Variants in ARHGEF4 observed in about 807,000 individuals in gnomAD.
The protein encoded by ARHGEF4 is Rho guanine nucleotide exchange factor 4.
Under a neutral mutation model 162.0 loss-of-function variants are expected in ARHGEF4, and 119 were observed. The observed-to-expected ratio is 0.73, with a 90% confidence interval of 0.63 to 0.86. The LOEUF (loss-of-function observed/expected upper bound fraction) is 0.86, where lower values mean the gene tolerates loss of function less well. ARHGEF4 is among the 40% of genes least tolerant of loss of function. ARHGEF4 has a pLI of 0.00. For synonymous variants in ARHGEF4, 1,014 were observed against 979.9 expected, an observed-to-expected ratio of 1.03 and a Z score of -0.65; for missense variants, 2,488 against 2,456.0, an observed-to-expected ratio of 1.01 and a Z score of -0.28.
intron 1 of ARHGEF4, among the ~76,000 whole-genome samples, chr2:130,895,827 C>G (rs892502376): frequency 4.6e-5 from 7 of 151,960 alleles, no homozygotes; most frequent in Admixed American, 1.3e-4. Context: ...ACAGGAAGAG[C>G]CTTTAATTTG....
rs1472323324 is a variant in ARHGEF4 at position 130,860,675 on chromosome 2, A to G, written c.39+23683A>G. 2.5e-5 allele frequency among the ~76,000 whole-genome samples: 3 copies of G among 118,326 alleles called. 1 individual carries two copies. The highest frequency in any genetic ancestry group is 4.9e-4 in the East Asian group (2 of 4,080). The allele number at this position is 118,326 out of a possible 152,430, so 77.6% of individuals were successfully genotyped here. A position where few individuals can be genotyped will look rare whatever the true frequency, so the allele number is the denominator to read the frequency against. ...CGGTGAGCCGAGATCGCGTCACTGC[A>G]CTCCAGCCTGGGCGACAGAGCGAGA... On this transcript the variant is annotated intron_variant, in intron 1 of 13. Transcript: ENST00000409359.
chr2:130,859,468 G>A (rs957295869), intron 1 of ARHGEF4, among the ~76,000 whole-genome samples: 1 of 56,662 alleles, frequency 1.8e-5, no homozygotes, highest in African/African-American at 4.2e-5. Flanking sequence ...GTCCTTACAG[G>A]CCGAGTGTGG....
intron 1 of ARHGEF4, among the ~76,000 whole-genome samples, chr2:130,873,700 A>G (rs929298156): frequency 6.6e-6 from 1 of 152,044 alleles, no homozygotes. Flanking sequence ...GCTTCTTTTT[A>G]GAATACCAAG....
intron 4 of ARHGEF4, among the ~76,000 whole-genome samples, chr2:130,966,631 G>A (rs1685021824): frequency 6.6e-6 from 1 of 152,194 alleles, no homozygotes. Flanking sequence ...TCTTTGCTGG[G>A]TTTTCAGCCA....
chr2:130,989,099 C>T (rs1014395289), intron 4 of ARHGEF4, among the ~76,000 whole-genome samples: 2 of 151,888 alleles, frequency 1.3e-5, no homozygotes, highest in African/African-American at 4.8e-5. Flanking sequence ...GTAGCTGGGA[C>T]TACAGGCATG....
chr2:131,020,291 A>C (rs1245997396), intron 4 of ARHGEF4, among the ~76,000 whole-genome samples: 2 of 150,434 alleles, frequency 1.3e-5, no homozygotes, highest in African/African-American at 4.9e-5. Context: ...TGCACCCATT[A>C]ACTCTTCATT....
At chr2:130,852,481 G>A in intron 1 of ARHGEF4, among the ~76,000 whole-genome samples, 1 of 150,998 alleles carries the variant, frequency 6.6e-6, no homozygotes. Context: ...GCCTTGATGA[G>A]ACTGACTGTG....
chr2:130,995,950 C>T (rs1165757525), intron 4 of ARHGEF4, among the ~76,000 whole-genome samples: 2 of 148,374 alleles, frequency 1.3e-5, no homozygotes, highest in Non-Finnish European at 1.5e-5. Flanking sequence ...AGTGCAGTGG[C>T]GCGATCTCGG....
rs1164758638 is a variant in ARHGEF4 at position 130,914,779 on chromosome 2, C to G, written c.833C>G (p.Ala278Gly). 1 of 1,437,060 alleles carries G rather than the reference C, an allele frequency of 7.0e-7. No homozygotes were observed. Among genetic ancestry groups the G allele is most frequent in the East Asian group, 2.5e-5 (1 of 40,048 alleles). The allele number at this position is 1,437,060 out of a possible 1,614,324, so 89.0% of individuals were successfully genotyped here. The change falls in exon 2 of 14, where the codon GCA becomes GGA. Residue 278 changes from alanine to glycine, a missense_variant. Ala to Gly is a moderately conservative substitution (Grantham distance 60). Coordinates refer to ENST00000409359, the MANE Select transcript of ARHGEF4 (RefSeq NM_001367493.1). ...AAGAAGGAAAGTACTCTAGGCCCTG[C>G]AGGGGACACAGAATTGCTCTGGTCC... is the stretch of plus-strand genomic sequence containing the variant. ...RTKKESTLGP[A>G]GDTELLWSQP...
intron 1 of ARHGEF4, among the ~76,000 whole-genome samples, chr2:130,888,386 A>G (rs34976833): frequency 0.31 from 46,413 of 151,458 alleles, 9,665 homozygotes; most frequent in African/African-American, 0.57. Flanking sequence ...CAGGAGAATC[A>G]CCTGAACACC....
intron 1 of ARHGEF4, among the ~76,000 whole-genome samples, chr2:130,840,178 A>G (rs557920941): frequency 2.0e-5 from 3 of 152,166 alleles, no homozygotes; most frequent in South Asian, 2.1e-4. Flanking sequence ...CACACTTGGG[A>G]CACACAGGCA....
intron 4 of ARHGEF4, among the ~76,000 whole-genome samples, chr2:131,010,359 C>T (rs1023634098): frequency 6.6e-6 from 1 of 152,230 alleles, no homozygotes; most frequent in Non-Finnish European, 1.5e-5. Context: ...TTAGGTCATT[C>T]TCCAGTGCCA....
At chr2:130,972,543 G>C (rs72996368) in intron 4 of ARHGEF4, among the ~76,000 whole-genome samples, 11,057 of 152,144 alleles carry the variant, frequency 0.073, 1,221 homozygotes, top group African/African-American at 0.24. Flanking sequence ...CCTCTGTTGT[G>C]GTCTCAAAGT....
At chr2:130,866,289 CAGG>C (rs1194003532) in intron 1 of ARHGEF4, among the ~76,000 whole-genome samples, 3 of 152,054 alleles carry the variant, frequency 2.0e-5, no homozygotes, top group Non-Finnish European at 4.4e-5. Context: ...GAGACTGAGG[CAGG>C]AGAATTGCTT....
rs779181678 is a variant in ARHGEF4, at chr2:130,931,135, CA to C, written c.3737del (p.His1246ProfsTer32). The C allele has an allele frequency of 1.9e-6, 3 of 1,614,096 alleles. No homozygotes were observed. The African/African-American group carries it at 4.0e-5, about 22-fold the overall frequency. On this transcript the variant is annotated frameshift_variant, in exon 3 of 14. Transcript: ENST00000409359. LOFTEE classifies it high-confidence loss of function. ...EAPSQPRGIP[H>X]RSPVSVDDLW... ...TCCTTCACAGCCTAGGGGCATCCCT[CA>C]CCGCTCGCCCGTCAGTGTGGATGAC...
At chr2:130,843,588 G>A (rs577603219) in intron 1 of ARHGEF4, among the ~76,000 whole-genome samples, 2 of 152,224 alleles carry the variant, frequency 1.3e-5, no homozygotes, top group African/African-American at 4.8e-5. Flanking sequence ...CTCTTCCAAG[G>A]GGGGGCACGG....
Position 130,916,361 on chromosome 2 carries a change from C to T in ARHGEF4, c.2415C>T (p.Pro805=), listed in dbSNP as rs1300881328. The T allele has an allele frequency of 8.4e-6, 13 of 1,541,714 alleles. No homozygotes were observed. The Admixed American group carries it at 2.4e-4, about 28-fold the overall frequency. Residue 805 remains proline, a synonymous_variant, in exon 2 of 14, where the codon CCC becomes CCT. Transcript: ENST00000409359. The part of the protein sequence containing the change: ...SKVTSFRKGR[P]LATESPGGVP... ...TGACCTCCTTCAGGAAGGGCAGGCC[C>T]TTGGCCACTGAGAGCCCAGGAGGGG... is the stretch of plus-strand genomic sequence containing the variant.
chr2:130,965,292 T>C (rs1351939897), intron 4 of ARHGEF4, among the ~76,000 whole-genome samples: 1 of 152,212 alleles, frequency 6.6e-6, no homozygotes, highest in Non-Finnish European at 1.5e-5. Context: ...GAATGACAGA[T>C]TCAGAGTTTG....
At chr2:130,954,378 G>A (rs1684142761) in intron 4 of ARHGEF4, among the ~76,000 whole-genome samples, 1 of 152,116 alleles carries the variant, frequency 6.6e-6, no homozygotes, top group African/African-American at 2.4e-5. Flanking sequence ...ACAGGGCGGG[G>A]AACATCACAC....
Sources: allele counts gnomAD v4.1 joint callset (sites outside exome capture counted in the v4.1 genomes callset), GRCh38; gene constraint gnomAD v4.1.1; transcripts MANE v1.5; gene names NCBI Gene and HGNC (gene_info 2026-07-23, HGNC 2026-07-21).